The following FGF12 variants were observed in gnomAD, a reference collection of about 807,000 sequenced individuals.
The protein encoded by FGF12 is fibroblast growth factor 12B.
FGF12 carries 14 observed loss-of-function variants against 23.6 expected under a neutral mutation model. The observed-to-expected ratio is 0.59, with a 90% CI of 0.39 to 0.93. The LOEUF (loss-of-function observed/expected upper bound fraction) is 0.93. Ranked by LOEUF, FGF12 falls within the 40% of genes least tolerant of loss-of-function variation. FGF12 has a pLI of 0.00. For synonymous variants in FGF12, 62 were observed against 77.3 expected, an observed-to-expected ratio of 0.80 and a Z score of 1.04; for missense variants, 175 against 217.8, an observed-to-expected ratio of 0.80 and a Z score of 1.24.
intron 2 of FGF12, among the ~76,000 whole-genome samples, chr3:192,384,486 T>C (rs1719958978): frequency 6.6e-6 from 1 of 152,164 alleles, no homozygotes; most frequent in Admixed American, 6.5e-5. Flanking sequence ...AAATAACATC[T>C]TCATTCTAAC....
chr3:192,296,228 A>ATT (rs111520545), intron 4 of FGF12, among the ~76,000 whole-genome samples: 3 of 133,024 alleles, frequency 2.3e-5, no homozygotes, highest in African/African-American at 8.7e-5. Flanking sequence ...ATTTTATTTT[A>ATT]TTTTTTTTTT....
At chr3:192,317,831 C>T (rs1398962384) in intron 4 of FGF12, among the ~76,000 whole-genome samples, 1 of 152,086 alleles carries the variant, frequency 6.6e-6, no homozygotes, top group Non-Finnish European at 1.5e-5. Flanking sequence ...GTGGTGGTGG[C>T]CACAGGGGTG....
intron 4 of FGF12, among the ~76,000 whole-genome samples, chr3:192,233,856 G>A (rs1719148437): frequency 6.6e-6 from 1 of 152,052 alleles, no homozygotes; most frequent in African/African-American, 2.4e-5. Flanking sequence ...CATGGTTGTA[G>A]GTGTATGGCT....
chr3:192,272,226 C>T (rs904926842), intron 4 of FGF12, among the ~76,000 whole-genome samples: 2 of 152,032 alleles, frequency 1.3e-5, no homozygotes, highest in Non-Finnish European at 2.9e-5. Flanking sequence ...ACAGTTTATT[C>T]TAGGAATTTT....
At chr3:192,707,990 C>T (rs1021382782) in intron 2 of FGF12, among the ~76,000 whole-genome samples, 49 of 152,112 alleles carry the variant, frequency 3.2e-4, no homozygotes, top group African/African-American at 1.1e-3. Context: ...GACGGAGTCT[C>T]GCTCTGTCAC....
intron 4 of FGF12, among the ~76,000 whole-genome samples, chr3:192,312,398 T>A (rs1431502255): frequency 6.7e-6 from 1 of 149,246 alleles, no homozygotes; most frequent in Admixed American, 6.7e-5. Context: ...TGTGAAAACT[T>A]AGCCTTTAAT....
At position 192,316,513 on chromosome 3, in the gene FGF12, C is replaced by G. The variant is rs147198722; in HGVS notation, c.228+18848G>C. Among the ~76,000 whole-genome samples, 51 of 152,288 alleles carry G rather than the reference C, an allele frequency of 3.3e-4. No individual in the cohort carries two copies. In the East Asian group the frequency reaches 7.4e-3, roughly 22 times the overall value. ...ATTAGGACTCAGTGCTTCCCTGTTA[C>G]AGTGGAAAACAGCAAAGTGAAGAAC... is the stretch of plus-strand genomic sequence containing the variant. On this transcript the variant is annotated intron_variant, in intron 4 of 5. Transcript: ENST00000445105.
chr3:192,637,214 T>C (rs1715614772), intron 2 of FGF12, among the ~76,000 whole-genome samples: 2 of 152,240 alleles, frequency 1.3e-5, no homozygotes, highest in Admixed American at 1.3e-4. Flanking sequence ...CAAGCTTCTA[T>C]GGCCCTCTTC....
At chr3:192,573,047 CA>C (rs1398732781) in intron 2 of FGF12, among the ~76,000 whole-genome samples, 1 of 152,088 alleles carries the variant, frequency 6.6e-6, no homozygotes, top group Non-Finnish European at 1.5e-5. Context: ...CTTGGGAAAG[CA>C]AAGGACAGAA....
intron 2 of FGF12, among the ~76,000 whole-genome samples, chr3:192,436,107 A>C (rs1722016753): frequency 6.6e-6 from 1 of 152,138 alleles, no homozygotes; most frequent in African/African-American, 2.4e-5. Flanking sequence ...GCTCTGAAGG[A>C]AACAGAAGAA....
At chr3:192,256,483 A>G (rs1266540609) in intron 4 of FGF12, among the ~76,000 whole-genome samples, 1 of 151,556 alleles carries the variant, frequency 6.6e-6, no homozygotes, top group Non-Finnish European at 1.5e-5. Context: ...TTATATATTT[A>G]TATATTTTAA....
At chr3:192,695,396 G>T (rs908624651) in intron 2 of FGF12, among the ~76,000 whole-genome samples, 3 of 152,138 alleles carry the variant, frequency 2.0e-5, no homozygotes, top group Admixed American at 2.0e-4. Flanking sequence ...AGGTAAGGGA[G>T]AAATGTCCCT....
intron 2 of FGF12, among the ~76,000 whole-genome samples, chr3:192,376,506 G>C (rs570427602): frequency 1.8e-4 from 28 of 151,960 alleles, no homozygotes; most frequent in Non-Finnish European, 3.8e-4. Flanking sequence ...GGGATTACAG[G>C]CATGTGTCAC....
At chr3:192,535,323 C>A (rs949622883) in intron 2 of FGF12, among the ~76,000 whole-genome samples, 1 of 152,152 alleles carries the variant, frequency 6.6e-6, no homozygotes, top group Non-Finnish European at 1.5e-5. Context: ...GGAAAAAATT[C>A]TACTTAAAAT....
intron 4 of FGF12, among the ~76,000 whole-genome samples, chr3:192,219,038 T>C (rs1042333407): frequency 6.6e-5 from 10 of 152,210 alleles, no homozygotes; most frequent in African/African-American, 2.4e-4. Context: ...AAATGCAATG[T>C]TATAAAAATT....
At chr3:192,197,332 T>A (rs999306711) in intron 4 of FGF12, among the ~76,000 whole-genome samples, 4 of 152,266 alleles carry the variant, frequency 2.6e-5, no homozygotes, top group Non-Finnish European at 5.9e-5. Context: ...TACTCATTTT[T>A]AAAGATGTTT....
chr3:192,473,451 A>T (rs1434527935), intron 2 of FGF12, among the ~76,000 whole-genome samples: 2 of 152,218 alleles, frequency 1.3e-5, no homozygotes, highest in African/African-American at 4.8e-5. Context: ...GAATCCAGGA[A>T]ATGAAATACA....
Position 192,167,772 on chromosome 3 carries a change from ATT to A in FGF12, c.427+2684_427+2685del, listed in dbSNP as rs368951795. On this transcript the variant is annotated intron_variant, in intron 5 of 5. Coordinates refer to ENST00000445105, the MANE Select transcript of FGF12 (RefSeq NM_004113.6). ...ATATATATATATATATATATATAAA[ATT>A]TTTTTTTTTTTTTTTTTTTGAGAAA... Among the ~76,000 whole-genome samples the A allele has an allele frequency of 1.1e-3, 17 of 15,400 alleles. 1 individual carries two copies. Among genetic ancestry groups the A allele is most frequent in the African/African-American group, 3.8e-3 (17 of 4,466 alleles). The allele number at this position is 15,400 out of a possible 152,430, so 10.1% of individuals were successfully genotyped here. A position where few individuals can be genotyped will look rare whatever the true frequency, so the allele number is the denominator to read the frequency against.
intron 4 of FGF12, among the ~76,000 whole-genome samples, chr3:192,303,319 C>T (rs1235167811): frequency 6.6e-6 from 1 of 152,142 alleles, no homozygotes; most frequent in East Asian, 1.9e-4. Flanking sequence ...GAAGGATGTC[C>T]TTGCCAGGTT....
Sources: gnomAD v4.1 joint callset for allele counts (sites outside exome capture counted in the v4.1 genomes callset) on GRCh38, gnomAD v4.1.1 for gene constraint, MANE v1.5 for transcripts, NCBI Gene and HGNC (gene_info 2026-07-23, HGNC 2026-07-21) for gene names.